AFTPH: variants seen among roughly 807,000 people sequenced by gnomAD.
The protein encoded by AFTPH is aftiphilin.
In AFTPH, 7 loss-of-function variants were observed where a neutral mutation model predicts 72.5. That is an observed-to-expected ratio of 0.10 (90% confidence interval 0.05 to 0.18). AFTPH has a LOEUF of 0.18. Ranked by LOEUF, AFTPH falls within the 10% of genes least tolerant of loss-of-function variation. The pLI, the probability that AFTPH is intolerant of heterozygous loss-of-function variation, is 1.00. For missense variants in AFTPH, 979 were observed against 1,060.5 expected (o/e 0.92, Z 1.07); for synonymous variants, 337 against 370.1 (o/e 0.91, Z 1.03).
exon 9 of AFTPH, chr2:64,591,939 T>C (rs1379708879): frequency 6.2e-7 from 1 of 1,613,944 alleles, no homozygotes; most frequent in African/African-American, 1.3e-5. Context: ...AGGTGATCGC[T>C]GGCCTTCCTG....
chr2:64,550,732 A>ACACACACACACAC (rs1558605124), intron 1 of AFTPH, among the ~76,000 whole-genome samples: 1 of 106,782 alleles, frequency 9.4e-6, no homozygotes, highest in African/African-American at 3.1e-5. Flanking sequence ...CACACACACA[A>ACACACACACACAC]CTGGTGAAAT....
At chr2:64,576,986 T>C (rs1672852399) in intron 6 of AFTPH, among the ~76,000 whole-genome samples, 1 of 152,150 alleles carries the variant, frequency 6.6e-6, no homozygotes. Flanking sequence ...CTCAAACTCC[T>C]GACCTCAAGT....
intron 1 of AFTPH, among the ~76,000 whole-genome samples, chr2:64,546,842 G>C (rs1002547533): frequency 3.3e-5 from 5 of 150,078 alleles, no homozygotes; most frequent in Non-Finnish European, 5.9e-5. Context: ...AGACCATCCT[G>C]GCTAACACAG....
In AFTPH at chr2:64,562,601, T is replaced by C. The variant is rs1001446242; in HGVS notation, c.1936-4961T>C. On this transcript the variant is annotated intron_variant, in intron 2 of 8. Coordinates refer to ENST00000238856, the Ensembl canonical transcript of AFTPH. ...AAGTTAACCTCTTTCTGCTCTGCTT[T>C]TCTCATCCAGGAAATGGAGATGATA... Among the ~76,000 whole-genome samples the C allele has an allele frequency of 5.3e-5, 8 of 152,328 alleles. No homozygotes were observed. The South Asian group carries it at 1.4e-3, about 28-fold the overall frequency.
At position 64,531,575 on chromosome 2, in the gene AFTPH, TA is replaced by T. The variant is rs560768135; in HGVS notation, c.-33+6970del. 6.7e-3 allele frequency among the ~76,000 whole-genome samples: 1,026 copies of T among 152,276 alleles called. 3 individuals are homozygous for T. The highest frequency in any genetic ancestry group is 0.011 in the Non-Finnish European group (725 of 67,994). On this transcript the variant is annotated intron_variant, in intron 1 of 8. Transcript: ENST00000238856. ...ATTCTGTTAGCAAGCTATTTAAGTA[TA>T]AAAAAATACAGTACTATCTTCTAGA...
chr2:64,538,178 A>G (rs886204324), intron 1 of AFTPH, among the ~76,000 whole-genome samples: 1 of 152,174 alleles, frequency 6.6e-6, no homozygotes, highest in Non-Finnish European at 1.5e-5. Context: ...CATAGGGGAA[A>G]AATGTGTGAA....
At chr2:64,578,193 T>C (rs1672937357) in intron 6 of AFTPH, among the ~76,000 whole-genome samples, 1 of 151,648 alleles carries the variant, frequency 6.6e-6, no homozygotes, top group East Asian at 1.9e-4. Context: ...GGAGTTAGAC[T>C]TTACAAAAAT....
At chr2:64,567,669 A>G (rs1232780610) in exon 3 of AFTPH, 14 of 1,613,708 alleles carry the variant, frequency 8.7e-6, no homozygotes, top group Admixed American at 1.7e-5. Context: ...TGCTGGAAAC[A>G]AGCACTTTGC....
intron 2 of AFTPH, among the ~76,000 whole-genome samples, chr2:64,557,675 C>T (rs1282986725): frequency 6.6e-6 from 1 of 152,198 alleles, no homozygotes; most frequent in Non-Finnish European, 1.5e-5. Flanking sequence ...ACCTTTTCAT[C>T]TTCACTTATT....
chr2:64,524,841 C>T (rs1394262197), intron 1 of AFTPH, among the ~76,000 whole-genome samples: 2 of 152,372 alleles, frequency 1.3e-5, no homozygotes, highest in East Asian at 3.9e-4. Context: ...CGGCCCCCTC[C>T]TCGCCATCCC....
At chr2:64,573,023 C>T in exon 6 of AFTPH, 1 of 1,614,112 alleles carries the variant, frequency 6.2e-7, no homozygotes, top group Non-Finnish European at 8.5e-7. Flanking sequence ...GTCAGACAGC[C>T]ACCATGTCAC....
exon 9 of AFTPH, chr2:64,591,921 A>C (rs773537592): frequency 1.9e-6 from 3 of 1,613,946 alleles, no homozygotes; most frequent in Non-Finnish European, 1.7e-6. Context: ...TAAGTGAAGA[A>C]GCTATCAAGG....
At chr2:64,526,902 A>G (rs1269580571) in intron 1 of AFTPH, among the ~76,000 whole-genome samples, 5 of 152,242 alleles carry the variant, frequency 3.3e-5, no homozygotes, top group Non-Finnish European at 5.9e-5. Flanking sequence ...CAGAGAGGAA[A>G]CTGAGGCACA....
intron 6 of AFTPH, among the ~76,000 whole-genome samples, chr2:64,574,056 T>C (rs1020222407): frequency 3.9e-5 from 6 of 152,232 alleles, no homozygotes; most frequent in African/African-American, 1.4e-4. Flanking sequence ...TCTCACTTTT[T>C]GTTCGGGTAA....
At chr2:64,536,951 CAAAAAAAAA>C (rs70937353) in intron 1 of AFTPH, among the ~76,000 whole-genome samples, 2 of 81,796 alleles carry the variant, frequency 2.4e-5, no homozygotes, top group African/African-American at 8.6e-5. Flanking sequence ...GACTCTGTCT[CAAAAAAAAA>C]AAAAAAAAAA....
intron 6 of AFTPH, among the ~76,000 whole-genome samples, chr2:64,574,430 A>G (rs1467154897): frequency 2.0e-5 from 3 of 152,222 alleles, no homozygotes; most frequent in African/African-American, 7.2e-5. Flanking sequence ...CCTGCAATGA[A>G]TGGCCTTAAT....
chr2:64,538,876 G>C (rs1558594455), intron 1 of AFTPH, among the ~76,000 whole-genome samples: 2 of 152,146 alleles, frequency 1.3e-5, no homozygotes, highest in African/African-American at 4.8e-5. Context: ...GCTTCTTTCT[G>C]TAAGAGGTGA....
intron 2 of AFTPH, among the ~76,000 whole-genome samples, chr2:64,554,307 T>A (rs1671231414): frequency 6.6e-6 from 1 of 152,200 alleles, no homozygotes; most frequent in Non-Finnish European, 1.5e-5. Context: ...TCCAGAGTTC[T>A]ACTCTGTGCT....
chr2:64,589,786 C>G (rs1673709768), intron 8 of AFTPH, among the ~76,000 whole-genome samples: 1 of 151,942 alleles, frequency 6.6e-6, no homozygotes, highest in Non-Finnish European at 1.5e-5. Context: ...TTTTAAATAA[C>G]CATTTATCAT....
Sources: gnomAD v4.1 joint callset for allele counts (sites outside exome capture counted in the v4.1 genomes callset) on GRCh38, gnomAD v4.1.1 for gene constraint, MANE v1.5 for transcripts, NCBI Gene and HGNC (gene_info 2026-07-23, HGNC 2026-07-21) for gene names.